The following CFAP46 variants were observed in gnomAD, a reference collection of about 807,000 sequenced individuals.
CFAP46 encodes the protein cilia and flagella associated protein 46.
CFAP46 carries 245 observed loss-of-function variants against 325.7 expected under a neutral mutation model. That is an observed-to-expected ratio of 0.75 (90% CI 0.68 to 0.84). The LOEUF is 0.84. Among genes scored for constraint, CFAP46 ranks in the 40% least tolerant of loss-of-function variants. The pLI is 0.00. For synonymous variants in CFAP46, 1,523 were observed against 1,495.9 expected, an observed-to-expected ratio of 1.02 and a Z score of -0.42; for missense variants, 3,346 against 3,543.0, an observed-to-expected ratio of 0.94 and a Z score of 1.41.
chr10:132,881,326 CAGACA>C (rs1453757504), intron 27 of CFAP46, among the ~76,000 whole-genome samples: 3 of 152,178 alleles, frequency 2.0e-5, no homozygotes, highest in Non-Finnish European at 4.4e-5. Flanking sequence ...CCCGGGTCCC[CAGACA>C]TTCCCTGCAC....
chr10:132,879,606 G>A lies in CFAP46; in HGVS notation c.3825C>T (p.Pro1275=), dbSNP rs1276721807. Residue 1275 remains proline, a synonymous_variant, in exon 29 of 58, where the codon CCC becomes CCT. Transcript: ENST00000368586. ...CGGCCTCGGACACGGGGCTCCGTGG[G>A]GGCATCTCCACAGCCACGTACTCCC... The part of the protein sequence containing the change: ...PDGEYVAVEM[P]PRSPVSEAEE... 3.2e-6 allele frequency: 5 copies of A among 1,542,852 alleles called. No homozygotes were observed. In the South Asian group the frequency reaches 4.8e-5, roughly 15 times the overall value.
At chr10:132,885,620 T>C (rs181728719) in intron 26 of CFAP46, among the ~76,000 whole-genome samples, 7 of 110,632 alleles carry the variant, frequency 6.3e-5, no homozygotes, top group East Asian at 2.6e-4. Context: ...AGCAGGCAGG[T>C]GCTCACAGGT....
At chr10:132,868,984 G>T (rs1275538548) in intron 33 of CFAP46, among the ~76,000 whole-genome samples, 1 of 152,222 alleles carries the variant, frequency 6.6e-6, no homozygotes, top group African/African-American at 2.4e-5. Context: ...AGCACCCAGC[G>T]CCCAAGGGTC....
Position 132,877,851 on chromosome 10 carries a change from G to A in CFAP46, c.4212+30C>T. 1.9e-6 allele frequency: 3 copies of A among 1,547,040 alleles called. No individual in the cohort carries two copies. The highest frequency in any genetic ancestry group is 1.2e-5 in the South Asian group (1 of 83,912). On this transcript the variant is annotated intron_variant, in intron 30 of 57. Coordinates refer to ENST00000368586, the MANE Select transcript of CFAP46 (RefSeq NM_001200049.3). This position sits in a 1 kb window ranked among gnomAD's most constrained non-coding sequence, Gnocchi z 5.7. ...TGAGGCACAGGCCATCCTGGGCCCG[G>A]CCTCTGCACCGTGGCCACTTGGGCA...
Position 132,835,240 on chromosome 10 carries a change from C to T in CFAP46, c.6744+64G>A, listed in dbSNP as rs1848220966. On this transcript the variant is annotated intron_variant, in intron 47 of 57. Transcript: ENST00000368586. ...CCCCTCCCCCCACCTCGCCAGGGTC[C>T]TGGCTCCCAGGGGTGGGGAGCAGAG... The T allele has an allele frequency of 4.4e-6, 7 of 1,588,158 alleles. No individual in the cohort carries two copies. The Admixed American group carries it at 1.2e-4, about 27-fold the overall frequency.
chr10:132,915,631 G>A (rs559737076), intron 17 of CFAP46, among the ~76,000 whole-genome samples: 50 of 151,944 alleles, frequency 3.3e-4, no homozygotes, highest in Non-Finnish European at 4.9e-4. Context: ...AGGGACCGGC[G>A]AGGGCGGGGT....
intron 57 of CFAP46, 86 bp downstream of exon 57, chr10:132,810,323 T>TGCAGGGACAGGTGTCTCC: frequency 8.8e-7 from 1 of 1,132,040 alleles, no homozygotes; most frequent in Non-Finnish European, 1.3e-6. Flanking sequence ...CACCTGTCCC[T>TGCAGGGACAGGTGTCTCC]GCAGGGCTGT....
At chr10:132,918,342 C>G in intron 16 of CFAP46, 51 bp downstream of exon 16, 1 of 1,397,978 alleles carries the variant, frequency 7.2e-7, no homozygotes. Context: ...GATGAACCCC[C>G]CTCTCCACGA....
At chr10:132,858,977 G>T in intron 38 of CFAP46, 94 bp downstream of exon 38, 2 of 1,349,478 alleles carry the variant, frequency 1.5e-6, no homozygotes, top group East Asian at 2.5e-5. Context: ...GGTGCAGCCG[G>T]GGTGAGCCAG....
rs1849863881 is a variant in CFAP46 at position 132,929,741 on chromosome 10, AGAG to A, written c.927_929del (p.Ser310del). On this transcript the variant is annotated inframe_deletion, in exon 9 of 58. Transcript: ENST00000368586. ...TCTTCTTCAGGTCTGAGAGGCAGGC[AGAG>A]GAGATCTCCATGCATTTCAAGGTCA... The A allele has an allele frequency of 6.2e-7, 1 of 1,613,876 alleles. No individual in the cohort carries two copies. The highest frequency in any genetic ancestry group is 8.5e-7 in the Non-Finnish European group (1 of 1,179,918).
intron 50 of CFAP46, among the ~76,000 whole-genome samples, chr10:132,829,536 C>A (rs999712520): frequency 1.3e-5 from 2 of 152,170 alleles, no homozygotes; most frequent in Admixed American, 6.5e-5. Context: ...TTTCTTCCTG[C>A]CTCTCTACTC....
chr10:132,907,914 C>T (rs541937915), intron 22 of CFAP46, among the ~76,000 whole-genome samples: 1 of 152,392 alleles, frequency 6.6e-6, no homozygotes, highest in Non-Finnish European at 1.5e-5. Context: ...ATCTGCCACA[C>T]CTCGATGGCA....
In CFAP46 at chr10:132,812,879, C is replaced by T. The variant is rs7090011; in HGVS notation, c.7407G>A (p.Gln2469=). 10,820 of 1,608,728 alleles carry T rather than the reference C, an allele frequency of 6.7e-3. 510 individuals carry two copies. The African/African-American group carries it at 0.11, about 17-fold the overall frequency. The change falls in exon 55 of 58, where the codon CAG becomes CAA. Residue 2469 remains glutamine, a synonymous_variant. Coordinates refer to ENST00000368586, the MANE Select transcript of CFAP46 (RefSeq NM_001200049.3). ...AGAAACCGCTGCAGCTGCCCAGGGC[C>T]TGCTCCCACTGGGCCTGGCTGCAGA... ...KHFPSQAQWE[Q]ALGSCSGFFF... is the part of the protein sequence containing the mutation.
At chr10:132,835,147 C>T (rs1027076398) in intron 47 of CFAP46, among the ~76,000 whole-genome samples, 157 bp downstream of exon 47, 1 of 152,284 alleles carries the variant, frequency 6.6e-6, no homozygotes, top group Non-Finnish European at 1.5e-5. Context: ...GGAGCTTGGC[C>T]TGGGAGTTGG....
At chr10:132,861,345 C>G (rs1345094646) in intron 35 of CFAP46, among the ~76,000 whole-genome samples, 1 of 152,224 alleles carries the variant, frequency 6.6e-6, no homozygotes, top group African/African-American at 2.4e-5. Context: ...GTGGAATCGG[C>G]GTTCAGGGAG....
At chr10:132,872,505 C>T (rs532087722) in intron 32 of CFAP46, 171 bp downstream of exon 32, 29 of 818,284 alleles carry the variant, frequency 3.5e-5, no homozygotes, top group South Asian at 1.2e-4. Flanking sequence ...ATAGTCCTCC[C>T]GTCCCAACCA....
intron 54 of CFAP46, among the ~76,000 whole-genome samples, chr10:132,813,379 CCCA>C (rs1394088431): frequency 5.4e-5 from 8 of 147,118 alleles, no homozygotes; most frequent in Admixed American, 4.0e-4. Context: ...CCCCTGCAGC[CCCA>C]CCTCTGCACA....
At chr10:132,912,588 T>TTTCACCA in intron 19 of CFAP46, 67 bp downstream of exon 19, 1 of 1,325,550 alleles carries the variant, frequency 7.5e-7, no homozygotes, top group Non-Finnish European at 9.9e-7. Context: ...TCCTCTCCTC[T>TTTCACCA]CTCTCTCTCC....
Position 132,866,061 on chromosome 10 carries a change from T to A in CFAP46, c.4854A>T (p.Ala1618=). The part of the protein sequence containing the change: ...VLLEMNLYQP[A]RLLLSEAYLA... The stretch of plus-strand genomic sequence containing the variant: ...GGTAAGCCTCCGACAGGAGCAGCCG[T>A]GCAGGCTGGTACAGGTTCATCTCCA... Residue 1618 remains alanine (A), a synonymous_variant, in exon 35 of 58, where the codon GCA becomes GCT. Coordinates refer to ENST00000368586, the MANE Select transcript of CFAP46 (RefSeq NM_001200049.3). 7 of 1,540,556 alleles carry A rather than the reference T, an allele frequency of 4.5e-6. No homozygotes were observed. The highest frequency in any genetic ancestry group is 6.1e-6 in the Non-Finnish European group (7 of 1,142,040).
Sources: allele counts gnomAD v4.1 joint callset (sites outside exome capture counted in the v4.1 genomes callset), GRCh38; gene constraint gnomAD v4.1.1; non-coding constraint Gnocchi (gnomAD v3.1); transcripts MANE v1.5; gene names NCBI Gene and HGNC (gene_info 2026-07-23, HGNC 2026-07-21).